ZNF536: variants seen among roughly 807,000 people sequenced by gnomAD.
The protein encoded by ZNF536 is zinc finger protein 536.
ZNF536 carries 13 observed loss-of-function variants against 84.5 expected under a neutral mutation model. The ratio of observed to expected loss-of-function variants is 0.15; its 90% CI spans 0.10 to 0.24. ZNF536 has a LOEUF of 0.24. Among genes scored for constraint, ZNF536 ranks in the 10% least tolerant of loss-of-function variants. The pLI is 1.00. For missense variants in ZNF536, 1,536 were observed against 1,747.5 expected (o/e 0.88, Z 2.16); for synonymous variants, 811 against 742.5 (o/e 1.09, Z -1.50).
At chr19:30,351,180 G>A (rs2047920121) in intron 2 of ZNF536, among the ~76,000 whole-genome samples, 1 of 152,114 alleles carries the variant, frequency 6.6e-6, no homozygotes, top group South Asian at 2.1e-4. Context: ...GTTCCCCACT[G>A]CAGTATTTTC....
chr19:30,273,413 T>A (rs1426770285), intron 1 of ZNF536, among the ~76,000 whole-genome samples: 1 of 152,186 alleles, frequency 6.6e-6, no homozygotes, highest in African/African-American at 2.4e-5. Flanking sequence ...TTGTCAGTGT[T>A]TTGAATTTTA....
rs1254086563 is a variant in ZNF536 at position 30,445,331 on chromosome 19, G to T, written c.1769G>T (p.Ser590Ile). The T allele has an allele frequency of 1.7e-5, 27 of 1,614,204 alleles. No individual in the cohort carries two copies. The highest frequency in any genetic ancestry group is 3.3e-5 in the Admixed American group (2 of 60,036). Residue 590 changes from serine to isoleucine, a missense_variant, in exon 2 of 5, where the codon AGC (serine) becomes ATC (isoleucine). Physicochemically the swap from Ser to Ile is moderately radical, Grantham distance 142 (BLOSUM62 -2). Transcript: ENST00000355537. This position sits in a 1 kb window ranked among gnomAD's most constrained non-coding sequence, Gnocchi z 4.5. ...ADLVHSTKVG[S>I]QRDLPSKLDP... ...TTGGTTCACAGCACTAAAGTGGGCA[G>T]CCAGAGAGACCTGCCAAGTAAGCTC...
At chr19:30,712,531 C>G (rs1425095932) in exon 2 of ZNF536, 8 of 151,824 alleles carry the variant, frequency 5.3e-5, no homozygotes, top group Middle Eastern at 6.4e-3. Flanking sequence ...TACAAAAATA[C>G]TAAACTGCAA....
At chr19:30,499,851 C>G (rs2054878047) in intron 2 of ZNF536, among the ~76,000 whole-genome samples, 1 of 152,130 alleles carries the variant, frequency 6.6e-6, no homozygotes, top group Non-Finnish European at 1.5e-5. Context: ...AGTCCATGTT[C>G]TGGTGGCTGC....
upstream of ZNF536, among the ~76,000 whole-genome samples, chr19:30,227,431 G>T (rs1305750705): frequency 5.3e-5 from 8 of 152,254 alleles, no homozygotes; most frequent in Non-Finnish European, 1.0e-4. Context: ...GAGCAGGGCG[G>T]GGTCTCAGCC....
At chr19:30,626,613 C>G (rs971695360) in intron 1 of ZNF536, among the ~76,000 whole-genome samples, 1 of 152,152 alleles carries the variant, frequency 6.6e-6, no homozygotes, top group Non-Finnish European at 1.5e-5. Flanking sequence ...CCCGCTACCC[C>G]CACTTGGAGG....
chr19:30,232,982 G>C (rs928925423), intron 1 of ZNF536, among the ~76,000 whole-genome samples: 1 of 152,214 alleles, frequency 6.6e-6, no homozygotes, highest in African/African-American at 2.4e-5. Flanking sequence ...CTTCAGGGGG[G>C]TGGAAGGTCA....
intron 2 of ZNF536, among the ~76,000 whole-genome samples, chr19:30,457,495 G>A (rs1055303677): frequency 5.3e-5 from 8 of 152,222 alleles, no homozygotes; most frequent in Non-Finnish European, 7.3e-5. Flanking sequence ...GAGCAGGATG[G>A]GAGCTGCTGA....
Position 30,606,127 on chromosome 19 carries a change from C to G in ZNF536, c.169+56613C>G, listed in dbSNP as rs566210025. On this transcript the variant is annotated intron_variant, in intron 1 of 1. Transcript: ENST00000592773. ...CATGATTGTGCCACTGCACTCCAGGCTGGGTGACAAAGTGAGACCTCATCT... is the reference window on the plus strand; with the variant it reads ...CATGATTGTGCCACTGCACTCCAGGGTGGGTGACAAAGTGAGACCTCATCT... 4.1e-5 allele frequency among the ~76,000 whole-genome samples: 6 copies of G among 146,636 alleles called. No individual in the cohort carries two copies. In the East Asian group the frequency reaches 1.2e-3, roughly 30 times the overall value.
At chr19:30,372,695 G>A (rs558936706) in intron 1 of ZNF536, 139 bp downstream of exon 1, 1 of 152,016 alleles carries the variant, frequency 6.6e-6, no homozygotes, top group African/African-American at 2.4e-5. Flanking sequence ...TCTTGTTCAC[G>A]AAGTACACAC....
chr19:30,366,400 A>C (rs370378376), intron 3 of ZNF536, among the ~76,000 whole-genome samples: 10 of 110,590 alleles, frequency 9.0e-5, no homozygotes, highest in East Asian at 3.4e-4. Context: ...ATCTATCTAT[A>C]TCTATCTCCT....
intron 2 of ZNF536, among the ~76,000 whole-genome samples, chr19:30,331,927 T>G (rs1028880035): frequency 1.4e-4 from 21 of 152,200 alleles, no homozygotes; most frequent in African/African-American, 4.6e-4. Context: ...CATTATCAGC[T>G]CTTAGCTCTG....
At chr19:30,664,089 G>A (rs77509100) in intron 1 of ZNF536, among the ~76,000 whole-genome samples, 3,046 of 152,256 alleles carry the variant, frequency 0.02, 103 homozygotes, top group African/African-American at 0.07. Context: ...GTACCTAGAA[G>A]GGGGATCATT....
In ZNF536 at chr19:30,386,143, T is replaced by C. The variant is rs75774420; in HGVS notation, c.-3+13587T>C. Among the ~76,000 whole-genome samples the C allele has an allele frequency of 6.8e-3, 1,036 of 152,300 alleles. 24 individuals carry two copies. Among genetic ancestry groups the C allele is most frequent in the African/African-American group, 0.024 (994 of 41,550 alleles). On this transcript the variant is annotated intron_variant, in intron 1 of 4. Coordinates refer to ENST00000355537, the MANE Select transcript of ZNF536 (RefSeq NM_014717.3). ...TCCTCCCATCCCTCAGCCCTTTGCC[T>C]ACGCTGTCTTAGAAAGCCAGCCACT...
chr19:30,530,126 A>G (rs376871194), intron 2 of ZNF536, among the ~76,000 whole-genome samples: 52 of 152,368 alleles, frequency 3.4e-4, no homozygotes, highest in African/African-American at 1.2e-3. Context: ...AGGGAGGAAC[A>G]GATGGCAGCG....
At chr19:30,475,751 T>C (rs998489251) in intron 2 of ZNF536, among the ~76,000 whole-genome samples, 2 of 152,132 alleles carry the variant, frequency 1.3e-5, no homozygotes, top group African/African-American at 4.8e-5. Flanking sequence ...GCCCCAGACA[T>C]GGCCCCGTGT....
At chr19:30,267,007 A>C (rs1281901187) in intron 1 of ZNF536, among the ~76,000 whole-genome samples, 1 of 152,226 alleles carries the variant, frequency 6.6e-6, no homozygotes. Flanking sequence ...TTTATTATGC[A>C]GGAAGGTGTC....
chr19:30,621,162 A>AG (rs1406685339), intron 1 of ZNF536, among the ~76,000 whole-genome samples: 6 of 152,012 alleles, frequency 3.9e-5, no homozygotes, highest in African/African-American at 1.5e-4. Context: ...TTGGCAGGGA[A>AG]GGGGCAGGTG....
intron 2 of ZNF536, among the ~76,000 whole-genome samples, chr19:30,351,028 GAGA>G (rs1191692445): frequency 6.6e-6 from 1 of 152,188 alleles, no homozygotes; most frequent in Non-Finnish European, 1.5e-5. Context: ...ATGTCATTCT[GAGA>G]AGAAGTGGAA....
Sources: allele counts gnomAD v4.1 joint callset (sites outside exome capture counted in the v4.1 genomes callset), GRCh38; gene constraint gnomAD v4.1.1; non-coding constraint Gnocchi (gnomAD v3.1); transcripts MANE v1.5; gene names NCBI Gene and HGNC (gene_info 2026-07-23, HGNC 2026-07-21).